Variants in NOS1AP observed in about 807,000 individuals in gnomAD.
The protein encoded by NOS1AP is carboxyl-terminal PDZ ligand of neuronal nitric oxide synthase protein.
Under a neutral mutation model 56.2 loss-of-function variants are expected in NOS1AP, and 21 were observed. The observed-to-expected ratio is 0.37, with a 90% CI of 0.26 to 0.54. The LOEUF (loss-of-function observed/expected upper bound fraction) is 0.54. Among genes scored for constraint, NOS1AP ranks in the 20% least tolerant of loss-of-function variants. The pLI is 0.84. For synonymous variants in NOS1AP, 270 were observed against 274.6 expected (o/e 0.98, Z 0.17); for missense variants, 522 against 657.8 (o/e 0.79, Z 2.26).
chr1:162,197,193 C>G (rs1485165689), intron 2 of NOS1AP, among the ~76,000 whole-genome samples: 1 of 152,176 alleles, frequency 6.6e-6, no homozygotes, highest in Admixed American at 6.5e-5. Flanking sequence ...GAAATAGTCT[C>G]TTTTCAATGA....
intron 2 of NOS1AP, among the ~76,000 whole-genome samples, chr1:162,253,328 A>G (rs1571163479): frequency 6.6e-6 from 1 of 152,198 alleles, no homozygotes. Context: ...ATAAATTATC[A>G]GTCTCTGATA....
rs1045173728 is a variant in NOS1AP, at chr1:162,156,134, T to A, written c.177+1658T>A. Among the ~76,000 whole-genome samples, 7 of 152,300 alleles carry A rather than the reference T, an allele frequency of 4.6e-5. No homozygotes were observed. In the East Asian group the frequency reaches 1.2e-3, roughly 25 times the overall value. ...CCTTGATCTTCGCAGTATTTCAGCA[T>A]TTTTTTATTGTTAAATTAAATTTAT... On this transcript the variant is annotated intron_variant, in intron 2 of 9. Coordinates refer to ENST00000361897, the MANE Select transcript of NOS1AP (RefSeq NM_014697.3).
rs1657668742 is a variant in NOS1AP, at chr1:162,355,373, T to C, written c.762+20T>C. On this transcript the variant is annotated intron_variant, in intron 7 of 9. Coordinates refer to ENST00000361897, the MANE Select transcript of NOS1AP (RefSeq NM_014697.3). ...TCCAAGGTAGGCAAGAGATGGCCCA[T>C]CTGTGTGATCTGCACACGTGTGCCC... 6 of 1,613,750 alleles carry C rather than the reference T, an allele frequency of 3.7e-6. No homozygotes were observed. Among genetic ancestry groups the C allele is most frequent in the African/African-American group, 1.3e-5 (1 of 74,922 alleles).
chr1:162,355,876 G>A (rs1361722758), intron 7 of NOS1AP, among the ~76,000 whole-genome samples: 1 of 152,170 alleles, frequency 6.6e-6, no homozygotes, highest in Non-Finnish European at 1.5e-5. Flanking sequence ...ACATCATATA[G>A]GTGAGATGAC....
chr1:162,157,751 G>C (rs1446645923), intron 2 of NOS1AP, among the ~76,000 whole-genome samples: 2 of 152,222 alleles, frequency 1.3e-5, no homozygotes, highest in African/African-American at 4.8e-5. Flanking sequence ...GAAGCATTCA[G>C]AGTGAAGGGA....
At position 162,352,410 on chromosome 1, in the gene NOS1AP, T is replaced by C. The variant is rs184191763; in HGVS notation, c.596-2777T>C. Among the ~76,000 whole-genome samples, 738 of 150,922 alleles carry C rather than the reference T, an allele frequency of 4.9e-3. 3 individuals are homozygous for C. The highest frequency in any genetic ancestry group is 0.017 in the African/African-American group (678 of 40,630). On this transcript the variant is annotated intron_variant, in intron 6 of 9. Coordinates refer to ENST00000361897, the MANE Select transcript of NOS1AP (RefSeq NM_014697.3). Reference sequence around the variant, plus strand: ...TAAGTGTTGGAATTTCTCCTGGACTTGCCCCTGGTATTTTTTTTTTTTTCT... The same window carrying C: ...TAAGTGTTGGAATTTCTCCTGGACTCGCCCCTGGTATTTTTTTTTTTTTCT...
rs1468418163 is a variant in NOS1AP at position 162,370,150 on chromosome 1, T to C, written c.*2683T>C. On this transcript the variant is annotated 3_prime_UTR_variant, in exon 10 of 10. Coordinates refer to ENST00000361897, the MANE Select transcript of NOS1AP (RefSeq NM_014697.3). ...AGTTATGGAGCCAGGAAAGAATTTC[T>C]CTGCACTGGATGGACTGTATATTGA... The C allele has an allele frequency of 1.3e-5, 2 of 152,242 alleles. No individual in the cohort carries two copies. The highest frequency in any genetic ancestry group is 2.9e-5 in the Non-Finnish European group (2 of 68,052). 9.4% of individuals were successfully genotyped at this position (152,242 alleles called of 1,614,324 possible).
chr1:162,157,200 C>T (rs1376462453), intron 2 of NOS1AP: 1 of 154,138 alleles, frequency 6.5e-6, no homozygotes, highest in Admixed American at 6.5e-5. Flanking sequence ...GGCCCATGTG[C>T]CTCTTCCTGT....
At chr1:162,176,349 G>C (rs1018454368) in intron 2 of NOS1AP, among the ~76,000 whole-genome samples, 2 of 151,674 alleles carry the variant, frequency 1.3e-5, no homozygotes, top group African/African-American at 4.8e-5. Context: ...CCAAACCCCT[G>C]GCAACCACTG....
At chr1:162,178,050 A>G (rs950966828) in intron 2 of NOS1AP, among the ~76,000 whole-genome samples, 1 of 152,214 alleles carries the variant, frequency 6.6e-6, no homozygotes, top group Admixed American at 6.5e-5. Context: ...TTTACTGTCT[A>G]TAATTTTGCC....
At chr1:162,246,178 CTTG>C (rs1375257828) in intron 2 of NOS1AP, among the ~76,000 whole-genome samples, 1 of 152,166 alleles carries the variant, frequency 6.6e-6, no homozygotes, top group East Asian at 1.9e-4. Flanking sequence ...TTGGTTGAGA[CTTG>C]TTGTAGAATC....
intron 2 of NOS1AP, among the ~76,000 whole-genome samples, chr1:162,174,578 A>T (rs898750642): frequency 6.6e-6 from 1 of 152,184 alleles, no homozygotes; most frequent in African/African-American, 2.4e-5. Context: ...AATAAAAAAT[A>T]AAAAAACTTT....
At chr1:162,131,683 G>A (rs576139332) in intron 1 of NOS1AP, among the ~76,000 whole-genome samples, 9 of 152,166 alleles carry the variant, frequency 5.9e-5, no homozygotes, top group South Asian at 4.1e-4. Flanking sequence ...GAAACAGCCC[G>A]TTTTATGGGC....
intron 2 of NOS1AP, among the ~76,000 whole-genome samples, chr1:162,198,325 C>T (rs1455047193): frequency 1.3e-5 from 2 of 152,164 alleles, no homozygotes; most frequent in South Asian, 4.1e-4. Context: ...ACTTTCTGAT[C>T]GTTGTGATGG....
At chr1:162,288,927 C>T (rs1481288009) in intron 3 of NOS1AP, among the ~76,000 whole-genome samples, 4 of 152,140 alleles carry the variant, frequency 2.6e-5, no homozygotes, top group Admixed American at 6.5e-5. Context: ...TGGACAGTCA[C>T]GGGACAGTCT....
At chr1:162,332,428 C>T (rs1178930832) in intron 4 of NOS1AP, among the ~76,000 whole-genome samples, 3 of 152,020 alleles carry the variant, frequency 2.0e-5, no homozygotes, top group Non-Finnish European at 4.4e-5. Context: ...CTGTTGTGAC[C>T]CTGGCTGCTG....
chr1:162,228,071 G>T (rs568234077), intron 2 of NOS1AP, among the ~76,000 whole-genome samples: 1 of 152,346 alleles, frequency 6.6e-6, no homozygotes, highest in South Asian at 2.1e-4. Flanking sequence ...AGCAAGTAAT[G>T]AAGTCAACAG....
intron 2 of NOS1AP, among the ~76,000 whole-genome samples, chr1:162,270,769 C>A (rs1295039138): frequency 6.6e-6 from 1 of 152,162 alleles, no homozygotes; most frequent in Admixed American, 6.6e-5. Context: ...AAGCGATGAA[C>A]CTTTTGTCAA....
At chr1:162,227,095 A>C (rs1652968997) in intron 2 of NOS1AP, among the ~76,000 whole-genome samples, 1 of 152,192 alleles carries the variant, frequency 6.6e-6, no homozygotes, top group South Asian at 2.1e-4. Context: ...AATGTGTTTA[A>C]AATATTTAGG....
Sources: gnomAD v4.1 joint callset for allele counts (sites outside exome capture counted in the v4.1 genomes callset) on GRCh38, gnomAD v4.1.1 for gene constraint, MANE v1.5 for transcripts, NCBI Gene and HGNC (gene_info 2026-07-23, HGNC 2026-07-21) for gene names.